Variants in SLC22A17 observed in about 807,000 individuals in gnomAD.
SLC22A17 encodes 24p3 receptor.
A neutral mutation model predicts 53.6 loss-of-function variants in SLC22A17; 38 were observed. That is an observed-to-expected ratio of 0.71 (90% CI 0.55 to 0.93). SLC22A17 has a LOEUF of 0.93. Among genes scored for constraint, SLC22A17 ranks in the 40% least tolerant of loss-of-function variants. The probability of loss-of-function intolerance (pLI) is 0.00; values close to 1 mark genes in which losing one functional copy is unlikely to be tolerated. For synonymous variants in SLC22A17, 379 were observed against 353.0 expected, an observed-to-expected ratio of 1.07 and a Z score of -0.82; for missense variants, 704 against 791.0, an observed-to-expected ratio of 0.89 and a Z score of 1.32.
exon 10 of SLC22A17, chr14:23,346,349 C>T: frequency 5.3e-6 from 2 of 373,926 alleles, no homozygotes; most frequent in East Asian, 4.0e-5. Context: ...TTTATTGAAA[C>T]AGAATGATAG....
At position 23,347,373 on chromosome 14, in the gene SLC22A17, T is replaced by C; in HGVS notation, c.1549+87A>G. The C allele has an allele frequency of 6.5e-7, 1 of 1,538,682 alleles. No homozygotes were observed. The highest frequency in any genetic ancestry group is 8.8e-7 in the Non-Finnish European group (1 of 1,138,706). ...GAGCAGATGGGGCTGTGGGGCCAGG[T>C]GGAGGCTCGTGGAAGAGCTGGGCAG... On this transcript the variant is annotated intron_variant, in intron 8 of 9. Coordinates refer to ENST00000397267, the Ensembl canonical transcript of SLC22A17. This position sits in a 1 kb window ranked among gnomAD's most constrained non-coding sequence, Gnocchi z 5.1.
Position 23,347,176 on chromosome 14 carries a change from A to T in SLC22A17, c.1586T>A (p.Leu529His). 1 of 1,613,972 alleles carries T rather than the reference A, an allele frequency of 6.2e-7. No homozygotes were observed. Among genetic ancestry groups the T allele is most frequent in the Non-Finnish European group, 8.5e-7 (1 of 1,179,964 alleles). ...GGCAGCTTGGGAGGAGAAGAGCCCA[A>T]GGACAGAGAAAGTGGTGATGGCAGC... Residue 529 changes from leucine to histidine, a missense_variant, in exon 9 of 10, where the codon CTT becomes CAT. Physicochemically the swap from Leu to His is moderately conservative, Grantham distance 99. Transcript: ENST00000397267. This position sits in a 1 kb window ranked among gnomAD's most constrained non-coding sequence, Gnocchi z 5.1.
Position 23,347,909 on chromosome 14 carries a change from A to C in SLC22A17, c.1259T>G (p.Leu420Arg). Residue 420 changes from leucine to arginine, a missense_variant, in exon 7 of 10, where the codon CTT becomes CGT. Around this residue, in one of 4 missense-constraint regions of SLC22A17, gnomAD observed 435 missense variants for 529.0 expected, o/e 0.82. Transcript: ENST00000397267. This position sits in a 1 kb window ranked among gnomAD's most constrained non-coding sequence, Gnocchi z 5.1. ...GGCTCACTTGGTGAAGCCCAGGATAAGCAGATTTTTCCAGATGTTGCGGTA... is the reference window on the plus strand; with the variant it reads ...GGCTCACTTGGTGAAGCCCAGGATACGCAGATTTTTCCAGATGTTGCGGTA... 1 of 1,614,204 alleles carries C rather than the reference A, an allele frequency of 6.2e-7. No homozygotes were observed. Among genetic ancestry groups the C allele is most frequent in the Non-Finnish European group, 8.5e-7 (1 of 1,180,020 alleles).
chr14:23,346,850 G>C (rs1889230575), exon 10 of SLC22A17: 2 of 1,539,650 alleles, frequency 1.3e-6, no homozygotes, highest in Non-Finnish European at 8.7e-7. Context: ...CTGCAGGAAG[G>C]CTCCATGGCC....
At position 23,347,601 on chromosome 14, in the gene SLC22A17, C is replaced by T; in HGVS notation, c.1408G>A (p.Val470Met). ...ATGCCCCGGCGGCCAAATCGGTCCA[C>T]GGTGACCCCCAGGAAGACACAGGCC... The change falls in exon 8 of 10, where the codon GTG becomes ATG. Residue 470 changes from valine (V) to methionine (M), a missense_variant. Coordinates refer to ENST00000397267, the Ensembl canonical transcript of SLC22A17. The surrounding 1 kb of genome is among the most constrained non-coding windows in gnomAD (Gnocchi z 5.1). 1.9e-6 allele frequency: 3 copies of T among 1,614,038 alleles called. No individual in the cohort carries two copies. Among genetic ancestry groups the T allele is most frequent in the East Asian group, 2.2e-5 (1 of 44,872 alleles).
Position 23,348,646 on chromosome 14 carries a change from C to A in SLC22A17, c.885G>T (p.Gln295His). 3.1e-6 allele frequency: 5 copies of A among 1,613,178 alleles called. No homozygotes were observed. The highest frequency in any genetic ancestry group is 4.2e-6 in the Non-Finnish European group (5 of 1,179,566). ...CCCCTGCCAGGGCCACCCGAAGCCT[C>A]TGGGTTGGGTCGCACAGCTCCAGGC... Residue 295 changes from glutamine (Q) to histidine (H), a missense_variant, in exon 5 of 10, where the codon CAG becomes CAT. Physicochemically the swap from Gln to His is conservative, Grantham distance 24. Coordinates refer to ENST00000397267, the Ensembl canonical transcript of SLC22A17. This position sits in a 1 kb window ranked among gnomAD's most constrained non-coding sequence, Gnocchi z 4.5.
At chr14:23,351,991 T>G (rs758209318) in exon 2 of SLC22A17, 1 of 1,612,720 alleles carries the variant, frequency 6.2e-7, no homozygotes, top group Admixed American at 1.7e-5. Flanking sequence ...GCCATTATAG[T>G]CCCAATCCTT....
exon 10 of SLC22A17, chr14:23,346,625 C>T: frequency 1.4e-6 from 2 of 1,454,524 alleles, no homozygotes; most frequent in Non-Finnish European, 9.0e-7. Flanking sequence ...GGCCAGCCTC[C>T]CGCCAGGGTA....
rs1889726243 is a variant in SLC22A17 at position 23,352,770 on chromosome 14, C to G, written c.-29G>C. 2.5e-6 allele frequency: 1 copy of G among 398,822 alleles called. No individual in the cohort carries two copies. The highest frequency in any genetic ancestry group is 4.4e-6 in the Non-Finnish European group (1 of 225,920). The allele number at this position is 398,822 out of a possible 1,614,324, so 24.7% of individuals were successfully genotyped here. Reference sequence around the variant, plus strand: ...GCCGACCGCAGGGGCCCTGCCGGCCCGCGCCGAAAGGATGCGCTGTCCTCT... The same window carrying G: ...GCCGACCGCAGGGGCCCTGCCGGCCGGCGCCGAAAGGATGCGCTGTCCTCT... On this transcript the variant is annotated 5_prime_UTR_variant, in exon 1 of 10. Transcript: ENST00000397267. The surrounding 1 kb of genome is among the most constrained non-coding windows in gnomAD (Gnocchi z 7.2).
exon 10 of SLC22A17, chr14:23,346,913 A>C: frequency 6.5e-7 from 1 of 1,538,918 alleles, no homozygotes; most frequent in Non-Finnish European, 8.7e-7. Flanking sequence ...CCCTAGAGCC[A>C]TGATCAGGCC....
rs756794632 is a variant in SLC22A17, at chr14:23,352,112, C to T, written c.436G>A (p.Gly146Ser). Residue 146 changes from glycine to serine, a missense_variant, in exon 2 of 10, where the codon GGC becomes AGC. Gly to Ser is a moderately conservative substitution (Grantham distance 56). Coordinates refer to ENST00000397267, the Ensembl canonical transcript of SLC22A17. The surrounding 1 kb of genome is among the most constrained non-coding windows in gnomAD (Gnocchi z 7.2). ...AGGGCAGCGCTGGCGACGCTGACGCCGCTGGCATTGGGAGGCTGCTCCCAG... is the reference window on the plus strand; with the variant it reads ...AGGGCAGCGCTGGCGACGCTGACGCTGCTGGCATTGGGAGGCTGCTCCCAG... The T allele has an allele frequency of 8.8e-6, 14 of 1,582,348 alleles. No individual in the cohort carries two copies. In the South Asian group the frequency reaches 1.3e-4, roughly 14 times the overall value.
In SLC22A17 at chr14:23,347,482, A is replaced by G; in HGVS notation, c.1527T>C (p.Ala509=). The change falls in exon 8 of 10, where the codon GCT becomes GCC. Residue 509 remains alanine, a synonymous_variant. Transcript: ENST00000397267. The surrounding 1 kb of genome is among the most constrained non-coding windows in gnomAD (Gnocchi z 5.1). ...CACCTCTGTTGGGGTTCCCTTGTTG[A>G]GCCCACACTGTGGGGAAGATAGGAT... The G allele has an allele frequency of 2.5e-6, 4 of 1,613,914 alleles. No individual in the cohort carries two copies. The highest frequency in any genetic ancestry group is 3.4e-6 in the Non-Finnish European group (4 of 1,179,914).
chr14:23,349,029 G>T, intron 4 of SLC22A17: 2 of 611,704 alleles, frequency 3.3e-6, no homozygotes, highest in Non-Finnish European at 5.8e-6. Flanking sequence ...CTGCTATCAG[G>T]GGAATAGCAC....
At position 23,352,371 on chromosome 14, in the gene SLC22A17, G is replaced by T; in HGVS notation, c.177C>A (p.Asp59Glu). 2.5e-6 allele frequency: 2 copies of T among 792,216 alleles called. No individual in the cohort carries two copies. The highest frequency in any genetic ancestry group is 3.9e-5 in the Admixed American group (1 of 25,554). 49.1% of individuals were successfully genotyped at this position (792,216 alleles called of 1,614,324 possible). The change falls in exon 2 of 10, where the codon GAC (aspartate) becomes GAA (glutamate). Residue 59 changes from aspartate (D) to glutamate (E), a missense_variant. Asp to Glu is a conservative substitution (Grantham distance 45). Around this residue, in one of 4 missense-constraint regions of SLC22A17, gnomAD observed 42 missense variants for 28.2 expected, o/e 1.49. Coordinates refer to ENST00000397267, the Ensembl canonical transcript of SLC22A17. This position sits in a 1 kb window ranked among gnomAD's most constrained non-coding sequence, Gnocchi z 7.2. ...TGCTGCCCAGTCCGTCGCCGCCCGC[G>T]TCTCCCTCCCCCTCCCGCTCGCGCT...
At position 23,348,211 on chromosome 14, in the gene SLC22A17, T is replaced by C. The variant is rs1359128112; in HGVS notation, c.1121A>G (p.Asn374Ser). The C allele has an allele frequency of 1.2e-6, 2 of 1,614,020 alleles. No homozygotes were observed. Among genetic ancestry groups the C allele is most frequent in the South Asian group, 2.2e-5 (2 of 91,072 alleles). The change falls in exon 6 of 10, where the codon AAC becomes AGC. Residue 374 changes from asparagine to serine, a missense_variant. Transcript: ENST00000397267. This position sits in a 1 kb window ranked among gnomAD's most constrained non-coding sequence, Gnocchi z 4.5. ...CCCCAGCATCTGCCCATGGGGCCGG[T>C]TTCGCTCAGCCAGGATCCTCAGCAC...
At chr14:23,349,378 G>A (rs1889476238) in exon 4 of SLC22A17, 2 of 1,613,950 alleles carry the variant, frequency 1.2e-6, no homozygotes, top group Non-Finnish European at 1.7e-6. Context: ...CTACTCCACA[G>A]GGGCCCACCA....
Position 23,348,342 on chromosome 14 carries a change from T to C in SLC22A17, c.1026-36A>G, listed in dbSNP as rs748764556. Reference sequence around the variant, plus strand: ...GGGGGAAGGGGTATACTGTGAGGCCTCCCTTCTCCTGATCTAGGGGTGGGA... The same window carrying C: ...GGGGGAAGGGGTATACTGTGAGGCCCCCCTTCTCCTGATCTAGGGGTGGGA... On this transcript the variant is annotated intron_variant, in intron 5 of 9. Transcript: ENST00000397267. This position sits in a 1 kb window ranked among gnomAD's most constrained non-coding sequence, Gnocchi z 4.5. 9.3e-6 allele frequency: 15 copies of C among 1,610,560 alleles called. No homozygotes were observed. The East Asian group carries it at 3.3e-4, about 36-fold the overall frequency.
rs1325535473 is a variant in SLC22A17 at position 23,349,659 on chromosome 14, T to C, written c.705-233A>G. 2.3e-5 allele frequency: 13 copies of C among 575,380 alleles called. No individual in the cohort carries two copies. In the East Asian group the frequency reaches 3.8e-4, roughly 17 times the overall value. The allele number at this position is 575,380 out of a possible 1,614,324, so 35.6% of individuals were successfully genotyped here. A position where few individuals can be genotyped will look rare whatever the true frequency, so the allele number is the denominator to read the frequency against. ...CTTTAAGAGGTGGGAACATTGACTC[T>C]TGGGCTATTGGTCAGAGATTAGGGC... On this transcript the variant is annotated intron_variant, in intron 3 of 9. Transcript: ENST00000397267.
Position 23,352,391 on chromosome 14 carries a change from C to T in SLC22A17, c.157G>A (p.Glu53Lys). 1.6e-6 allele frequency: 1 copy of T among 626,290 alleles called. No individual in the cohort carries two copies. The highest frequency in any genetic ancestry group is 2.5e-6 in the Non-Finnish European group (1 of 401,736). The allele number at this position is 626,290 out of a possible 1,614,324, so 38.8% of individuals were successfully genotyped here. A position where few individuals can be genotyped will look rare whatever the true frequency, so the allele number is the denominator to read the frequency against. ...CCCGCGTCTCCCTCCCCCTCCCGCT[C>T]GCGCTCCCGCTCACCCTGCAGCTGC... The change falls in exon 2 of 10, where the codon GAG (glutamate) becomes AAG (lysine). Residue 53 changes from glutamate (E) to lysine (K), a missense_variant. Physicochemically the swap from Glu to Lys is moderately conservative, Grantham distance 56 (BLOSUM62 1). Around this residue, in one of 4 missense-constraint regions of SLC22A17, gnomAD observed 42 missense variants for 28.2 expected, o/e 1.49. Coordinates refer to ENST00000397267, the Ensembl canonical transcript of SLC22A17. This position sits in a 1 kb window ranked among gnomAD's most constrained non-coding sequence, Gnocchi z 7.2.
Sources: allele counts gnomAD v4.1 joint callset, GRCh38; gene constraint gnomAD v4.1.1; regional missense constraint gnomAD v4.1.1; non-coding constraint Gnocchi (gnomAD v3.1); transcripts MANE v1.5; gene names NCBI Gene and HGNC (gene_info 2026-07-23, HGNC 2026-07-21).